SDK1: variants seen among roughly 807,000 people sequenced by gnomAD.
SDK1 encodes the protein sidekick cell adhesion molecule 1, also known as protein sidekick-1.
A neutral mutation model predicts 245.5 loss-of-function variants in SDK1; 157 were observed. The ratio of observed to expected loss-of-function variants is 0.64; its 90% CI spans 0.56 to 0.73. SDK1 has a LOEUF of 0.73. Ranked by LOEUF, SDK1 falls within the 30% of genes least tolerant of loss-of-function variation. SDK1 has a pLI of 0.00. For synonymous variants in SDK1, 1,647 were observed against 1,278.5 expected, an observed-to-expected ratio of 1.29 and a Z score of -6.15; for missense variants, 3,583 against 3,002.3, an observed-to-expected ratio of 1.19 and a Z score of -4.52.
At chr7:3,433,542 C>G (rs1779929368) in intron 1 of SDK1, among the ~76,000 whole-genome samples, 1 of 151,988 alleles carries the variant, frequency 6.6e-6, no homozygotes, top group African/African-American at 2.4e-5. Flanking sequence ...TTTCTTCTTC[C>G]TCTTCCTTAG....
At chr7:3,895,779 G>GTCT (rs1478650183) in intron 5 of SDK1, among the ~76,000 whole-genome samples, 1 of 152,110 alleles carries the variant, frequency 6.6e-6, no homozygotes, top group African/African-American at 2.4e-5. Context: ...TTTATGTTGG[G>GTCT]TCTTCATTTT....
chr7:3,472,954 C>G (rs1387258792), intron 1 of SDK1, among the ~76,000 whole-genome samples: 2 of 152,206 alleles, frequency 1.3e-5, no homozygotes, highest in African/African-American at 2.4e-5. Context: ...GCATTGCACA[C>G]AGACCAGTGG....
chr7:3,987,173 C>T lies in SDK1; in HGVS notation c.1995-13C>T. Reference sequence around the variant, plus strand: ...GTTTTCCTCTTTTTCCTTTTCATCCCATTCAATTCAAGTGAACTGCCTCAT... The same window carrying T: ...GTTTTCCTCTTTTTCCTTTTCATCCTATTCAATTCAAGTGAACTGCCTCAT... On this transcript the variant is annotated splice_polypyrimidine_tract_variant and intron_variant, in intron 13 of 44. Coordinates refer to ENST00000404826, the MANE Select transcript of SDK1 (RefSeq NM_152744.4). 1 of 1,613,182 alleles carries T rather than the reference C, an allele frequency of 6.2e-7. No individual in the cohort carries two copies. The highest frequency in any genetic ancestry group is 2.2e-5 in the East Asian group (1 of 44,880).
chr7:3,505,846 G>T (rs1782375495), intron 1 of SDK1, among the ~76,000 whole-genome samples: 1 of 152,220 alleles, frequency 6.6e-6, no homozygotes, highest in Middle Eastern at 3.4e-3. Context: ...AGTAGCCATG[G>T]GAGGTCCTGG....
chr7:3,324,810 A>C (rs1779901145), intron 1 of SDK1, among the ~76,000 whole-genome samples: 1 of 152,144 alleles, frequency 6.6e-6, no homozygotes, highest in Non-Finnish European at 1.5e-5. Flanking sequence ...AATTTTATTA[A>C]ACCTATGCCC....
Position 4,012,549 on chromosome 7 carries a change from C to CTTTTTTTTTTTTTTTTTTTTTTTTTT in SDK1, c.2420+332_2420+357dup, listed in dbSNP as rs777199429. ...GCAAGGTATATTGTTCAATGTGAAGCTTTTTTTTTTTTTTTTTTTTTTTTT... is the reference window on the plus strand; with the variant it reads ...GCAAGGTATATTGTTCAATGTGAAGCTTTTTTTTTTTTTTTTTTTTTTTTTTTTTTTTTTTTTTTTTTTTTTTTTTT... On this transcript the variant is annotated intron_variant, in intron 16 of 44. Coordinates refer to ENST00000404826, the MANE Select transcript of SDK1 (RefSeq NM_152744.4). Among the ~76,000 whole-genome samples, 10 of 25,986 alleles carry CTTTTTTTTTTTTTTTTTTTTTTTTTT rather than the reference C, an allele frequency of 3.8e-4. 5 individuals carry two copies. The highest frequency in any genetic ancestry group is 1.2e-3 in the Admixed American group (2 of 1,618). The allele number at this position is 25,986 out of a possible 152,430, so 17.0% of individuals were successfully genotyped here.
At chr7:3,809,745 C>T (rs1388971840) in intron 4 of SDK1, among the ~76,000 whole-genome samples, 5 of 150,568 alleles carry the variant, frequency 3.3e-5, no homozygotes, top group East Asian at 1.9e-4. Flanking sequence ...TAATCCTCTG[C>T]GGGCAGCATC....
chr7:4,229,867 A>G (rs1298505711), intron 40 of SDK1, among the ~76,000 whole-genome samples: 1 of 152,146 alleles, frequency 6.6e-6, no homozygotes, highest in Non-Finnish European at 1.5e-5. Flanking sequence ...AGTAAGCAGT[A>G]AATAAAATAG....
chr7:3,728,906 G>C (rs939088671), intron 4 of SDK1, among the ~76,000 whole-genome samples: 1 of 152,116 alleles, frequency 6.6e-6, no homozygotes, highest in Non-Finnish European at 1.5e-5. Flanking sequence ...TGGACCAACA[G>C]TGGCTATTTC....
intron 4 of SDK1, among the ~76,000 whole-genome samples, chr7:3,660,914 C>T (rs2128659308): frequency 6.6e-6 from 1 of 152,212 alleles, no homozygotes; most frequent in Admixed American, 6.5e-5. Flanking sequence ...ACATTATGTC[C>T]TTTGGTGATA....
intron 5 of SDK1, among the ~76,000 whole-genome samples, chr7:3,859,685 C>T (rs1316939525): frequency 1.3e-5 from 2 of 152,118 alleles, no homozygotes; most frequent in Admixed American, 6.5e-5. Context: ...ATTACCATCC[C>T]CAGGGGACAG....
rs371054556 is a variant in SDK1, at chr7:4,210,104, G to A, written c.5481G>A (p.Ala1827=). The change falls in exon 38 of 45, where the codon GCG becomes GCA. Residue 1827 remains alanine (A), a synonymous_variant. Transcript: ENST00000404826. ...TLNVSWGEPA[A]ANGILQGYRV... is the part of the protein sequence containing the mutation. ...ACGTGTCCTGGGGCGAGCCTGCGGC[G>A]GCCAACGGCATCCTGCAGGGCTATC... 1.1e-4 allele frequency: 183 copies of A among 1,610,036 alleles called. No individual in the cohort carries two copies. The highest frequency in any genetic ancestry group is 1.2e-4 in the African/African-American group (9 of 74,732).
At chr7:3,885,788 C>T (rs966364131) in intron 5 of SDK1, among the ~76,000 whole-genome samples, 2 of 152,226 alleles carry the variant, frequency 1.3e-5, no homozygotes, top group Admixed American at 6.5e-5. Flanking sequence ...AAGCCTTTCC[C>T]TTCTCTTGTT....
In SDK1 at chr7:4,211,107, A is replaced by G. The variant is rs542165830; in HGVS notation, c.5539+945A>G. Among the ~76,000 whole-genome samples the G allele has an allele frequency of 9.2e-5, 14 of 152,168 alleles. No homozygotes were observed. The East Asian group carries it at 2.7e-3, about 30-fold the overall frequency. ...TGGAGAGTGACACAGGAGCAGGAGG[A>G]CCTGACCTCCCCAAGACCAGGATCC... On this transcript the variant is annotated intron_variant, in intron 38 of 44. Transcript: ENST00000404826.
At chr7:3,946,089 C>A (rs1354202012) in intron 5 of SDK1, among the ~76,000 whole-genome samples, 1 of 151,692 alleles carries the variant, frequency 6.6e-6, no homozygotes, top group Non-Finnish European at 1.5e-5. Flanking sequence ...TATGAAGGAA[C>A]TAACGCTATC....
chr7:3,766,875 G>C (rs1780269249), intron 4 of SDK1, among the ~76,000 whole-genome samples: 1 of 152,172 alleles, frequency 6.6e-6, no homozygotes, highest in Non-Finnish European at 1.5e-5. Flanking sequence ...TCCTTAGAGT[G>C]AGCTCATGGC....
chr7:3,510,441 C>T (rs1376837530), intron 1 of SDK1, among the ~76,000 whole-genome samples: 1 of 152,138 alleles, frequency 6.6e-6, no homozygotes, highest in African/African-American at 2.4e-5. Context: ...TAAAGGGTCT[C>T]TGAAAAATCA....
intron 28 of SDK1, among the ~76,000 whole-genome samples, chr7:4,133,766 G>C (rs548763821): frequency 6.6e-6 from 1 of 152,308 alleles, no homozygotes; most frequent in Admixed American, 6.5e-5. Context: ...AGAGGCAAGT[G>C]CAGCAGCCAC....
chr7:3,477,954 G>T (rs1432823290), intron 1 of SDK1, among the ~76,000 whole-genome samples: 1 of 152,132 alleles, frequency 6.6e-6, no homozygotes, highest in South Asian at 2.1e-4. Context: ...GTGTGTTAGA[G>T]ATCTGCCTTT....
Sources: allele counts gnomAD v4.1 joint callset (sites outside exome capture counted in the v4.1 genomes callset), GRCh38; gene constraint gnomAD v4.1.1; transcripts MANE v1.5; gene names NCBI Gene and HGNC (gene_info 2026-07-23, HGNC 2026-07-21).